The following INTS8 variants were observed in gnomAD, a reference collection of about 807,000 sequenced individuals.
The protein encoded by INTS8 is protein kaonashi-1.
Under a neutral mutation model 138.9 loss-of-function variants are expected in INTS8, and 47 were observed. The ratio of observed to expected loss-of-function variants is 0.34; its 90% CI spans 0.27 to 0.43. The LOEUF (loss-of-function observed/expected upper bound fraction) is 0.43. Among genes scored for constraint, INTS8 ranks in the 20% least tolerant of loss-of-function variants. The probability of loss-of-function intolerance (pLI) is 1.00; values close to 1 mark genes in which losing one functional copy is unlikely to be tolerated. For synonymous variants in INTS8, 392 were observed against 400.9 expected (o/e 0.98, Z 0.27); for missense variants, 996 against 1,173.0 (o/e 0.85, Z 2.20).
Position 94,825,014 on chromosome 8 carries a change from T to A in INTS8, c.252T>A (p.Leu84=). The change falls in exon 2 of 27, where the codon CTT becomes CTA. Residue 84 remains leucine (L), a synonymous_variant. Coordinates refer to ENST00000523731, the MANE Select transcript of INTS8 (RefSeq NM_017864.4). ...AGAGAAATCGTATTTTAAAACTACT[T>A]GCTCTTAAAGTTGCTGCACATTTGA... ...DNKRNRILKL[L]ALKVAAHLKW... is the part of the protein sequence containing the mutation. 2.5e-6 allele frequency: 4 copies of A among 1,612,568 alleles called. No homozygotes were observed. Among genetic ancestry groups the A allele is most frequent in the Non-Finnish European group, 3.4e-6 (4 of 1,178,804 alleles).
chr8:94,830,900 C>T (rs1308159720), intron 5 of INTS8, among the ~76,000 whole-genome samples: 3 of 152,034 alleles, frequency 2.0e-5, no homozygotes, highest in African/African-American at 4.8e-5. Context: ...CGGGTTCAAG[C>T]GATTCTTCTG....
intron 14 of INTS8, 122 bp from the exon 15 acceptor site, chr8:94,856,655 C>T (rs901813406): frequency 2.6e-6 from 2 of 758,500 alleles, no homozygotes; most frequent in African/African-American, 3.5e-5. Flanking sequence ...GCCTTACTGC[C>T]TGAGAAAAGC....
intron 18 of INTS8, 52 bp from the exon 19 acceptor site, chr8:94,867,088 T>G: frequency 3.7e-6 from 5 of 1,345,488 alleles, no homozygotes; most frequent in Non-Finnish European, 5.2e-6. Flanking sequence ...AGGAGCAATA[T>G]TAAATAAATA....
chr8:94,837,717 C>G (rs978885574), intron 7 of INTS8, among the ~76,000 whole-genome samples: 4 of 152,072 alleles, frequency 2.6e-5, no homozygotes, highest in African/African-American at 7.2e-5. Context: ...TTGTTAATGT[C>G]TTGTCATACA....
chr8:94,876,551 A>G, intron 26 of INTS8, 62 bp downstream of exon 26: 1 of 1,026,220 alleles, frequency 9.7e-7, no homozygotes, highest in Non-Finnish European at 1.4e-6. Flanking sequence ...AATTGTTAAG[A>G]TGTGAACCAA....
intron 8 of INTS8, among the ~76,000 whole-genome samples, chr8:94,839,507 G>T (rs1024723719): frequency 9.2e-5 from 14 of 152,060 alleles, no homozygotes; most frequent in Non-Finnish European, 4.4e-5. Context: ...TTACCTAGGG[G>T]TTTTTTTGTT....
intron 1 of INTS8, among the ~76,000 whole-genome samples, chr8:94,824,448 A>G (rs1179040876): frequency 6.6e-6 from 1 of 152,240 alleles, no homozygotes; most frequent in African/African-American, 2.4e-5. Flanking sequence ...TTTAATCTTC[A>G]AAATGATCCT....
At chr8:94,865,168 C>G (rs1003732258) in intron 16 of INTS8, among the ~76,000 whole-genome samples, 2 of 151,882 alleles carry the variant, frequency 1.3e-5, no homozygotes, top group Non-Finnish European at 2.9e-5. Flanking sequence ...CCCTATGTAA[C>G]GTGGGATCAT....
intron 6 of INTS8, 143 bp downstream of exon 6, chr8:94,832,317 T>C (rs1814750388): frequency 3.2e-6 from 2 of 622,458 alleles, no homozygotes; most frequent in East Asian, 5.8e-5. Context: ...AATTTATACA[T>C]TTATAAGATT....
intron 7 of INTS8, among the ~76,000 whole-genome samples, chr8:94,837,101 A>G (rs1252243745): frequency 2.6e-5 from 4 of 152,234 alleles, no homozygotes; most frequent in Non-Finnish European, 4.4e-5. Context: ...TTCTAAGGCT[A>G]TAATTTATCA....
rs1432671751 is a variant in INTS8 at position 94,880,759 on chromosome 8, TA to T, written c.*528del. ...AACATAAATAAAGCCTTAGTCACACTAAATTAAAAAAAAAAATTCCTTAGGG... is the reference window on the plus strand; with the variant it reads ...AACATAAATAAAGCCTTAGTCACACTAATTAAAAAAAAAAATTCCTTAGGG... On this transcript the variant is annotated 3_prime_UTR_variant, in exon 27 of 27. Transcript: ENST00000523731. 1.8e-5 allele frequency: 7 copies of T among 397,154 alleles called. No individual in the cohort carries two copies. The highest frequency in any genetic ancestry group is 3.1e-5 in the Non-Finnish European group (7 of 225,368). The allele number at this position is 397,154 out of a possible 1,614,324, so 24.6% of individuals were successfully genotyped here.
rs768103433 is a variant in INTS8 at position 94,880,249 on chromosome 8, T to TTAAC, written c.*17_*20dup. ...TTTACTTTTAAGCAGTTAAATTTTT[T>TTAAC]TAACTTTTATTTTTTAAACAATGGG... On this transcript the variant is annotated 3_prime_UTR_variant, in exon 27 of 27. Transcript: ENST00000523731. 4 of 1,417,104 alleles carry TTAAC rather than the reference T, an allele frequency of 2.8e-6. No individual in the cohort carries two copies. In the East Asian group the frequency reaches 7.0e-5, roughly 25 times the overall value. 87.8% of individuals were successfully genotyped at this position (1,417,104 alleles called of 1,614,324 possible). A position where few individuals can be genotyped will look rare whatever the true frequency, so the allele number is the denominator to read the frequency against.
At chr8:94,842,207 A>G (rs960414590) in intron 9 of INTS8, 140 bp from the exon 10 acceptor site, 4 of 470,362 alleles carry the variant, frequency 8.5e-6, no homozygotes, top group South Asian at 5.0e-5. Flanking sequence ...GATTTGGTAT[A>G]TATTTATTGG....
chr8:94,844,016 T>TA (rs201549537), intron 10 of INTS8, among the ~76,000 whole-genome samples: 1,616 of 149,104 alleles, frequency 0.011, 18 homozygotes, highest in Non-Finnish European at 0.015. Flanking sequence ...TTTTTTGAGA[T>TA]AGAGTTCTGC....
chr8:94,841,734 G>A, intron 9 of INTS8, 143 bp downstream of exon 9: 1 of 552,930 alleles, frequency 1.8e-6, no homozygotes, highest in Non-Finnish European at 3.2e-6. Context: ...AACATAGGGT[G>A]GAGGAACACT....
chr8:94,867,154 G>T lies in INTS8; in HGVS notation c.2310G>T (p.Leu770Phe). ...FIKKLREPLV[L>F]TIILSLFVKL... is the part of the protein sequence containing the mutation. ...CTTTCTCATAGGAACCACTCGTTTT[G>T]ACTATTATTTTATCACTCTTTGTGA... Residue 770 changes from leucine (L) to phenylalanine (F), a missense_variant, in exon 19 of 27, where the codon TTG (leucine) becomes TTT (phenylalanine). Coordinates refer to ENST00000523731, the MANE Select transcript of INTS8 (RefSeq NM_017864.4). 2 of 1,608,910 alleles carry T rather than the reference G, an allele frequency of 1.2e-6. No individual in the cohort carries two copies. The highest frequency in any genetic ancestry group is 2.2e-5 in the South Asian group (2 of 90,042).
intron 15 of INTS8, among the ~76,000 whole-genome samples, 170 bp downstream of exon 15, chr8:94,857,148 C>T (rs1815781162): frequency 6.6e-6 from 1 of 150,440 alleles, no homozygotes; most frequent in African/African-American, 2.5e-5. Flanking sequence ...TCTCGGCCCA[C>T]TGCAGTCTCT....
At chr8:94,869,260 G>C (rs892912823) in intron 20 of INTS8, among the ~76,000 whole-genome samples, 1 of 151,776 alleles carries the variant, frequency 6.6e-6, no homozygotes, top group Non-Finnish European at 1.5e-5. Flanking sequence ...GGATTAACAG[G>C]CGTGAGCCAC....
intron 15 of INTS8, among the ~76,000 whole-genome samples, chr8:94,859,114 A>AATTAGCCAGGTGTGGTAGC (rs940513970): frequency 6.6e-6 from 1 of 151,726 alleles, no homozygotes; most frequent in Non-Finnish European, 1.5e-5. Context: ...AAAATGCAAA[A>AATTAGCCAGGTGTGGTAGC]ATTAGCCAGG....
Sources: gnomAD v4.1 joint callset for allele counts (sites outside exome capture counted in the v4.1 genomes callset) on GRCh38, gnomAD v4.1.1 for gene constraint, MANE v1.5 for transcripts, NCBI Gene and HGNC (gene_info 2026-07-23, HGNC 2026-07-21) for gene names.